The following CYREN variants were observed in gnomAD, a reference collection of about 807,000 sequenced individuals.
CYREN encodes cell cycle regulator of NHEJ.
Under a neutral mutation model 9.7 loss-of-function variants are expected in CYREN, and 7 were observed. The observed-to-expected ratio is 0.72, with a 90% CI of 0.41 to 1.36. The LOEUF is 1.36. Ranked by LOEUF, CYREN falls within the 40% of genes most tolerant of loss-of-function variation. The pLI, the probability that CYREN is intolerant of heterozygous loss-of-function variation, is 0.01. For missense variants in CYREN, 215 were observed against 198.1 expected (o/e 1.09, Z -0.51); for synonymous variants, 76 against 77.9 (o/e 0.98, Z 0.13).
chr7:135,138,873 C>G (rs371853201), intron 2 of CYREN, among the ~76,000 whole-genome samples: 1 of 151,952 alleles, frequency 6.6e-6, no homozygotes, highest in East Asian at 1.9e-4. Flanking sequence ...CATTAATTTG[C>G]TTAGGATAAT....
chr7:135,113,621 A>G (rs1007729874), intron 2 of CYREN, among the ~76,000 whole-genome samples: 1 of 152,194 alleles, frequency 6.6e-6, no homozygotes, highest in African/African-American at 2.4e-5. Context: ...TTCAGGCTTT[A>G]CTCAGGGTTC....
At chr7:135,168,625 C>G in intron 2 of CYREN, 161 bp downstream of exon 2, 1 of 1,166,574 alleles carries the variant, frequency 8.6e-7, no homozygotes, top group Non-Finnish European at 1.2e-6. Flanking sequence ...CTTTGCCTCC[C>G]GCCCACAGCC....
rs1826229921 is a variant in CYREN, at chr7:135,115,739, T to C, written n.357-21157A>G. The C allele has an allele frequency of 4.6e-5, 35 of 768,688 alleles. 1 individual carries two copies. The South Asian group carries it at 6.8e-4, about 15-fold the overall frequency. 47.6% of individuals were successfully genotyped at this position (768,688 alleles called of 1,614,324 possible). Reference sequence around the variant, plus strand: ...AAAATGATGTCAGCTCCATCACATTTGGCAAAGAACAAAGACCCAAAGCTG... The same window carrying C: ...AAAATGATGTCAGCTCCATCACATTCGGCAAAGAACAAAGACCCAAAGCTG... On this transcript the variant is annotated intron_variant and non_coding_transcript_variant, in intron 2 of 2. Coordinates refer to the CYREN transcript ENST00000459937.
chr7:135,147,756 C>A (rs1829575367), intron 2 of CYREN: 1 of 456,000 alleles, frequency 2.2e-6, no homozygotes, highest in Non-Finnish European at 4.4e-6. Flanking sequence ...GAGCTTGGAC[C>A]AGATGATCCT....
chr7:135,111,484 A>G (rs2117141633), intron 2 of CYREN, among the ~76,000 whole-genome samples: 1 of 152,270 alleles, frequency 6.6e-6, no homozygotes, highest in Admixed American at 6.5e-5. Context: ...CACAATAGCT[A>G]TTGTGCATCC....
chr7:135,107,731 C>CT (rs1824964495), intron 2 of CYREN, among the ~76,000 whole-genome samples: 1 of 152,148 alleles, frequency 6.6e-6, no homozygotes, highest in Non-Finnish European at 1.5e-5. Flanking sequence ...TCTATCAGAT[C>CT]TATTTGGTCC....
chr7:135,129,195 C>T lies in CYREN; in HGVS notation n.357-34613G>A, dbSNP rs921140663. 20 of 1,423,456 alleles carry T rather than the reference C, an allele frequency of 1.4e-5. No individual in the cohort carries two copies. The African/African-American group carries it at 1.8e-4, about 13-fold the overall frequency. The allele number at this position is 1,423,456 out of a possible 1,614,324, so 88.2% of individuals were successfully genotyped here. ...CCTGATGGCAGATGTGGTGTACTGC[C>T]CCCACGCATGCTGCCAGCTGCCTGT... On this transcript the variant is annotated intron_variant and non_coding_transcript_variant, in intron 2 of 2. Transcript: ENST00000459937.
At chr7:135,130,725 G>C (rs1175818121) in intron 2 of CYREN, among the ~76,000 whole-genome samples, 1 of 152,032 alleles carries the variant, frequency 6.6e-6, no homozygotes, top group East Asian at 1.9e-4. Flanking sequence ...TACCACTGTA[G>C]TTCCAGTCCT....
Position 135,158,992 on chromosome 7 carries a change from C to T in CYREN, n.356+9757G>A, listed in dbSNP as rs1829862488. ...GCAGCTCCGAATGTCAGGCCCAGGC[C>T]CTGGCCCAGTGGGTCGAGGTTTCCT... On this transcript the variant is annotated intron_variant and non_coding_transcript_variant, in intron 2 of 2. Transcript: ENST00000459937. Among the ~76,000 whole-genome samples, 2 of 152,236 alleles carry T rather than the reference C, an allele frequency of 1.3e-5. 1 individual carries two copies. Among genetic ancestry groups the T allele is most frequent in the South Asian group, 4.1e-4 (2 of 4,834 alleles).
intron 2 of CYREN, among the ~76,000 whole-genome samples, chr7:135,126,483 A>AACACTTTTCCCATCAAACT (rs1393120482): frequency 5.3e-5 from 8 of 152,354 alleles, no homozygotes; most frequent in Admixed American, 5.2e-4. Context: ...TTATAGATTC[A>AACACTTTTCCCATCAAACT]ACACTTTTCC....
chr7:135,107,012 T>A (rs1478048330), intron 2 of CYREN, among the ~76,000 whole-genome samples: 1 of 152,230 alleles, frequency 6.6e-6, no homozygotes, highest in East Asian at 1.9e-4. Context: ...GACATGTTCA[T>A]AGTAGTCTCT....
chr7:135,110,540 C>T (rs186440947), intron 2 of CYREN, among the ~76,000 whole-genome samples: 5 of 152,130 alleles, frequency 3.3e-5, no homozygotes, highest in East Asian at 1.9e-4. Flanking sequence ...GTGGGAGAAG[C>T]GTGGGTCCCC....
intron 2 of CYREN, among the ~76,000 whole-genome samples, chr7:135,120,507 T>C (rs1826988978): frequency 6.6e-6 from 1 of 152,086 alleles, no homozygotes; most frequent in African/African-American, 2.4e-5. Context: ...TCTTGAAAAA[T>C]GTTCACATTA....
At chr7:135,135,180 T>A in intron 2 of CYREN, 1 of 1,549,730 alleles carries the variant, frequency 6.5e-7, no homozygotes, top group Non-Finnish European at 8.7e-7. Flanking sequence ...CAGCCCTCCA[T>A]CTAACTAAAA....
intron 2 of CYREN, chr7:135,100,194 A>G (rs13237009): frequency 5.0e-5 from 7 of 138,692 alleles, no homozygotes; most frequent in African/African-American, 1.8e-4. Context: ...GTTTCTCTTT[A>G]AAAAAAAAAA....
At chr7:135,131,303 G>A (rs912093706) in intron 2 of CYREN, among the ~76,000 whole-genome samples, 5 of 152,022 alleles carry the variant, frequency 3.3e-5, no homozygotes, top group African/African-American at 1.2e-4. Context: ...TCACACACCA[G>A]GGCCTGTTGC....
intron 2 of CYREN, among the ~76,000 whole-genome samples, chr7:135,121,729 T>G (rs1827161746): frequency 6.6e-6 from 1 of 152,054 alleles, no homozygotes; most frequent in African/African-American, 2.4e-5. Flanking sequence ...TCATCAGAAC[T>G]GACTAGGAGG....
chr7:135,113,087 G>T (rs1825869043), intron 2 of CYREN, among the ~76,000 whole-genome samples: 1 of 152,178 alleles, frequency 6.6e-6, no homozygotes, highest in Admixed American at 6.5e-5. Flanking sequence ...TACATTCAGT[G>T]AATGTTTATT....
intron 2 of CYREN, among the ~76,000 whole-genome samples, chr7:135,150,791 G>A (rs1829650116): frequency 6.6e-6 from 1 of 152,222 alleles, no homozygotes; most frequent in African/African-American, 2.4e-5. Flanking sequence ...GGGAGGCAGA[G>A]ATTGCAGTGA....
Sources: allele counts gnomAD v4.1 joint callset (sites outside exome capture counted in the v4.1 genomes callset), GRCh38; gene constraint gnomAD v4.1.1; transcripts MANE v1.5; gene names NCBI Gene and HGNC (gene_info 2026-07-23, HGNC 2026-07-21).